Variants in KLHL29 observed in about 807,000 individuals in gnomAD.
KLHL29 encodes kelch like family member 29.
In KLHL29, 21 loss-of-function variants were observed where a neutral mutation model predicts 80.4. That is an observed-to-expected ratio of 0.26 (90% CI 0.19 to 0.38). The LOEUF is 0.38. Ranked by LOEUF, KLHL29 falls within the 10% of genes least tolerant of loss-of-function variation. The probability of loss-of-function intolerance (pLI) is 1.00; values close to 1 mark genes in which losing one functional copy is unlikely to be tolerated. For synonymous variants in KLHL29, 511 were observed against 526.8 expected, an observed-to-expected ratio of 0.97 and a Z score of 0.41; for missense variants, 867 against 1,223.9, an observed-to-expected ratio of 0.71 and a Z score of 4.35.
At chr2:23,470,568 T>C (rs948867156) in intron 1 of KLHL29, among the ~76,000 whole-genome samples, 2 of 152,226 alleles carry the variant, frequency 1.3e-5, no homozygotes, top group Non-Finnish European at 2.9e-5. Flanking sequence ...TGGGCTAGGC[T>C]TTGTAAACTT....
intron 1 of KLHL29, among the ~76,000 whole-genome samples, chr2:23,416,798 A>G (rs1224374869): frequency 6.6e-6 from 1 of 152,086 alleles, no homozygotes; most frequent in African/African-American, 2.4e-5. Flanking sequence ...CTCACTGTAC[A>G]CATTCTCTCT....
intron 1 of KLHL29, among the ~76,000 whole-genome samples, chr2:23,428,728 T>C (rs1302258789): frequency 6.6e-6 from 1 of 152,172 alleles, no homozygotes; most frequent in Non-Finnish European, 1.5e-5. Flanking sequence ...TGCCCAAACC[T>C]GAGGGCTGAA....
chr2:23,398,148 G>A (rs1342694869), intron 1 of KLHL29, among the ~76,000 whole-genome samples: 2 of 152,232 alleles, frequency 1.3e-5, no homozygotes, highest in Admixed American at 6.5e-5. Flanking sequence ...CCAAACAGAT[G>A]TTCATACACT....
chr2:23,576,708 C>T (rs1030408850), intron 3 of KLHL29, among the ~76,000 whole-genome samples: 2 of 152,158 alleles, frequency 1.3e-5, no homozygotes, highest in African/African-American at 4.8e-5. Flanking sequence ...AAATGAGCAC[C>T]GAGCAGAAAT....
chr2:23,636,483 C>T (rs1669612741), intron 3 of KLHL29, among the ~76,000 whole-genome samples: 1 of 152,070 alleles, frequency 6.6e-6, no homozygotes, highest in South Asian at 2.1e-4. Flanking sequence ...ATGAACGACA[C>T]AGCCAAACAG....
At chr2:23,597,351 A>G (rs1198323289) in intron 3 of KLHL29, among the ~76,000 whole-genome samples, 90 of 67,322 alleles carry the variant, frequency 1.3e-3, no homozygotes, top group East Asian at 6.8e-3. Flanking sequence ...GTGTGTATGT[A>G]TATGTGTATG....
intron 5 of KLHL29, among the ~76,000 whole-genome samples, chr2:23,675,930 T>G (rs1670907439): frequency 6.6e-6 from 1 of 152,200 alleles, no homozygotes. Flanking sequence ...GCATGTGGTC[T>G]GTAACCCACA....
intron 5 of KLHL29, among the ~76,000 whole-genome samples, chr2:23,663,339 C>T (rs2149171185): frequency 6.6e-6 from 1 of 152,342 alleles, no homozygotes; most frequent in Non-Finnish European, 1.5e-5. Context: ...AGCCCTAGAG[C>T]CCTTGGGTCC....
At chr2:23,416,691 G>A (rs1027104687) in intron 1 of KLHL29, among the ~76,000 whole-genome samples, 1 of 152,200 alleles carries the variant, frequency 6.6e-6, no homozygotes, top group African/African-American at 2.4e-5. Flanking sequence ...TGCCTATCGG[G>A]TAAAGAGGGT....
chr2:23,557,300 T>G (rs2879582), intron 2 of KLHL29, among the ~76,000 whole-genome samples: 82,668 of 151,696 alleles, frequency 0.54, 22,802 homozygotes, highest in Admixed American at 0.6. Flanking sequence ...CTTTGGTCCT[T>G]TAACTGTGCC....
At chr2:23,533,948 T>A (rs1041743820) in intron 2 of KLHL29, among the ~76,000 whole-genome samples, 5 of 151,668 alleles carry the variant, frequency 3.3e-5, no homozygotes, top group Admixed American at 6.6e-5. Context: ...TTTTTTTTTT[T>A]AAAGAAACGT....
At chr2:23,441,071 A>T (rs1226580648) in intron 1 of KLHL29, among the ~76,000 whole-genome samples, 1 of 152,210 alleles carries the variant, frequency 6.6e-6, no homozygotes, top group African/African-American at 2.4e-5. Context: ...AAAGACTTGG[A>T]ACCAACCCAC....
At chr2:23,656,196 G>A (rs151008513) in intron 5 of KLHL29, among the ~76,000 whole-genome samples, 48 of 152,360 alleles carry the variant, frequency 3.2e-4, no homozygotes, top group African/African-American at 9.4e-4. Flanking sequence ...TTTTGGGGCC[G>A]GAAAAGAATA....
At chr2:23,399,478 T>C (rs1048318586) in intron 1 of KLHL29, among the ~76,000 whole-genome samples, 1 of 152,206 alleles carries the variant, frequency 6.6e-6, no homozygotes, top group African/African-American at 2.4e-5. Context: ...AAAATTCACC[T>C]AGGAAAAAAA....
chr2:23,521,964 A>G (rs562415407), intron 2 of KLHL29, among the ~76,000 whole-genome samples: 2 of 152,128 alleles, frequency 1.3e-5, no homozygotes, highest in South Asian at 2.1e-4. Flanking sequence ...GCCTTTCTGC[A>G]TCTCCCCTTA....
chr2:23,559,687 CTG>C (rs918205571), intron 2 of KLHL29, among the ~76,000 whole-genome samples: 1 of 151,916 alleles, frequency 6.6e-6, no homozygotes, highest in African/African-American at 2.4e-5. Flanking sequence ...GTTTAGGTAC[CTG>C]TGGAACAGCT....
In KLHL29 at chr2:23,695,127, T is replaced by G. The variant is rs565852629; in HGVS notation, c.1543-496T>G. Among the ~76,000 whole-genome samples, 5 of 152,234 alleles carry G rather than the reference T, an allele frequency of 3.3e-5. No individual in the cohort carries two copies. The highest frequency in any genetic ancestry group is 2.0e-4 in the Admixed American group (3 of 15,302). On this transcript the variant is annotated intron_variant, in intron 8 of 13. Coordinates refer to ENST00000486442, the MANE Select transcript of KLHL29 (RefSeq NM_052920.2). The surrounding 1 kb of genome is among the most constrained non-coding windows in gnomAD (Gnocchi z 7.6). Reference sequence around the variant, plus strand: ...GGGACATGGGACACCACTGAAAGTTTTCGGTGCTGGAGAGACACAGGCTCC... The same window carrying G: ...GGGACATGGGACACCACTGAAAGTTGTCGGTGCTGGAGAGACACAGGCTCC...
chr2:23,547,094 G>T (rs575501843), intron 2 of KLHL29, among the ~76,000 whole-genome samples: 1 of 152,184 alleles, frequency 6.6e-6, no homozygotes, highest in African/African-American at 2.4e-5. Context: ...GTGCCACAGC[G>T]GAAGGAGGGC....
At chr2:23,637,118 A>AC (rs1413925785) in intron 3 of KLHL29, among the ~76,000 whole-genome samples, 1 of 152,182 alleles carries the variant, frequency 6.6e-6, no homozygotes, top group Non-Finnish European at 1.5e-5. Flanking sequence ...AGTGCCGGTC[A>AC]GGAGGCTGGG....
Sources: allele counts gnomAD v4.1 joint callset (sites outside exome capture counted in the v4.1 genomes callset), GRCh38; gene constraint gnomAD v4.1.1; non-coding constraint Gnocchi (gnomAD v3.1); transcripts MANE v1.5; gene names NCBI Gene and HGNC (gene_info 2026-07-23, HGNC 2026-07-21).